NRXN3: variants seen among roughly 807,000 people sequenced by gnomAD.
NRXN3 encodes the protein neurexin 3, also known as neurexin III.
In NRXN3, 32 loss-of-function variants were observed where a neutral mutation model predicts 137.6. The ratio of observed to expected loss-of-function variants is 0.23; its 90% CI spans 0.18 to 0.31. The LOEUF is 0.31. Among genes scored for constraint, NRXN3 ranks in the 10% least tolerant of loss-of-function variants. The probability of loss-of-function intolerance (pLI) is 1.00; values close to 1 mark genes in which losing one functional copy is unlikely to be tolerated. For missense variants in NRXN3, 1,574 were observed against 2,062.5 expected (o/e 0.76, Z 4.59); for synonymous variants, 798 against 784.5 (o/e 1.02, Z -0.29).
At chr14:78,364,117 A>C (rs1423281276) in intron 4 of NRXN3, among the ~76,000 whole-genome samples, 4 of 152,226 alleles carry the variant, frequency 2.6e-5, no homozygotes, top group Non-Finnish European at 5.9e-5. Context: ...ATGTGTATGT[A>C]CTTGAGTGGA....
chr14:78,880,014 C>A lies in NRXN3; in HGVS notation c.2275+69670C>A, dbSNP rs533100203. On this transcript the variant is annotated intron_variant, in intron 10 of 20. Coordinates refer to ENST00000335750, the MANE Select transcript of NRXN3 (RefSeq NM_001330195.2). ...CAGCACTTTGGGAGGCCGAGGCGGG[C>A]GGATCACGAGGTCAGGAGATCGAGA... Among the ~76,000 whole-genome samples, 512 of 141,330 alleles carry A rather than the reference C, an allele frequency of 3.6e-3. 46 individuals carry two copies. Among genetic ancestry groups the A allele is most frequent in the African/African-American group, 0.013 (422 of 31,562 alleles). The allele number at this position is 141,330 out of a possible 152,430, so 92.7% of individuals were successfully genotyped here.
intron 15 of NRXN3, among the ~76,000 whole-genome samples, chr14:79,070,785 A>G (rs764720077): frequency 2.6e-5 from 4 of 152,212 alleles, no homozygotes; most frequent in Non-Finnish European, 5.9e-5. Context: ...ACTACCACAC[A>G]TACATTTATG....
At chr14:78,808,204 G>C (rs1224216724) in intron 9 of NRXN3, among the ~76,000 whole-genome samples, 2 of 152,118 alleles carry the variant, frequency 1.3e-5, no homozygotes, top group Non-Finnish European at 2.9e-5. Flanking sequence ...TAAACAAACT[G>C]TCTGCCATCT....
intron 1 of NRXN3, among the ~76,000 whole-genome samples, chr14:78,215,771 T>TGG (rs111862109): frequency 0.15 from 16,768 of 109,386 alleles, 1,366 homozygotes; most frequent in East Asian, 0.38. Context: ...TGCAGGGGGG[T>TGG]GGGGGGGGCA....
At chr14:79,628,059 T>A (rs2098300921) in intron 16 of NRXN3, among the ~76,000 whole-genome samples, 1 of 152,152 alleles carries the variant, frequency 6.6e-6, no homozygotes, top group African/African-American at 2.4e-5. Flanking sequence ...AATAAAAAGA[T>A]AAGTACTGAG....
chr14:79,511,998 C>T (rs1304644875), intron 16 of NRXN3, among the ~76,000 whole-genome samples: 1 of 152,184 alleles, frequency 6.6e-6, no homozygotes, highest in Non-Finnish European at 1.5e-5. Flanking sequence ...CTCCCGGGTT[C>T]AAGTGATTCT....
intron 6 of NRXN3, among the ~76,000 whole-genome samples, chr14:78,701,279 T>C (rs1294268313): frequency 6.6e-6 from 1 of 152,220 alleles, no homozygotes; most frequent in Non-Finnish European, 1.5e-5. Flanking sequence ...CATAAACCTA[T>C]AGGATCATTT....
intron 5 of NRXN3, among the ~76,000 whole-genome samples, chr14:78,650,463 ATTG>A (rs908887612): frequency 1.3e-5 from 2 of 151,304 alleles, no homozygotes; most frequent in Admixed American, 6.6e-5. Flanking sequence ...CATTCATTTT[ATTG>A]TTGTTCTTAG....
At chr14:78,601,058 T>TGGGTGATCTG (rs1344226800) in intron 4 of NRXN3, among the ~76,000 whole-genome samples, 1 of 152,224 alleles carries the variant, frequency 6.6e-6, no homozygotes, top group African/African-American at 2.4e-5. Context: ...CACCTTGATC[T>TGGGTGATCTG]GGCCTTTGAT....
chr14:79,508,389 G>GTTTTTTTTTTTTTTTTTTTTTTTTTTTTT (rs1567328889), intron 16 of NRXN3, among the ~76,000 whole-genome samples: 1 of 12,550 alleles, frequency 8.0e-5, no homozygotes, highest in African/African-American at 3.3e-4. Context: ...AACAATAACT[G>GTTTTTTTTTTTTTTTTTTTTTTTTTTTTT]ATTTTTTTTT....
intron 19 of NRXN3, among the ~76,000 whole-genome samples, chr14:79,774,667 T>C (rs933500533): frequency 6.6e-6 from 1 of 152,170 alleles, no homozygotes; most frequent in South Asian, 2.1e-4. Context: ...CTTTGCTATC[T>C]GGTAGAAATA....
chr14:78,256,845 C>T (rs2069711879), intron 2 of NRXN3, among the ~76,000 whole-genome samples: 1 of 152,140 alleles, frequency 6.6e-6, no homozygotes. Context: ...GGGTGGGAGG[C>T]CACTGATCAA....
intron 4 of NRXN3, among the ~76,000 whole-genome samples, chr14:78,313,554 C>A (rs974487206): frequency 6.6e-6 from 1 of 152,022 alleles, no homozygotes; most frequent in African/African-American, 2.4e-5. Context: ...GCATTATCCC[C>A]ATTTTCACAG....
intron 4 of NRXN3, among the ~76,000 whole-genome samples, chr14:78,337,321 A>G (rs2081592158): frequency 6.6e-6 from 1 of 152,080 alleles, no homozygotes; most frequent in Non-Finnish European, 1.5e-5. Flanking sequence ...TTTTCACACC[A>G]TCCAAATTCT....
intron 20 of NRXN3, among the ~76,000 whole-genome samples, chr14:79,816,383 T>C (rs2099251416): frequency 6.6e-6 from 1 of 152,188 alleles, no homozygotes; most frequent in Non-Finnish European, 1.5e-5. Flanking sequence ...GCTTTAACTG[T>C]CTTAGATAAA....
intron 15 of NRXN3, among the ~76,000 whole-genome samples, chr14:79,452,258 G>T (rs569702158): frequency 6.6e-6 from 1 of 152,246 alleles, no homozygotes; most frequent in South Asian, 2.1e-4. Flanking sequence ...AATATGGCAG[G>T]TGCTTTCTAA....
chr14:78,924,857 G>A (rs572092096), intron 10 of NRXN3, among the ~76,000 whole-genome samples: 8 of 152,232 alleles, frequency 5.3e-5, no homozygotes, highest in African/African-American at 1.4e-4. Flanking sequence ...CAAATAAATT[G>A]AGTCTCAGAA....
chr14:78,255,356 G>A (rs1340622112), intron 2 of NRXN3, among the ~76,000 whole-genome samples: 5 of 152,316 alleles, frequency 3.3e-5, no homozygotes, highest in African/African-American at 7.2e-5. Context: ...GGAAGTGGGC[G>A]TGACCACCTC....
intron 15 of NRXN3, among the ~76,000 whole-genome samples, chr14:79,413,964 T>C (rs1268733695): frequency 4.0e-5 from 6 of 150,500 alleles, no homozygotes; most frequent in Non-Finnish European, 8.9e-5. Flanking sequence ...AGGCAGTGCA[T>C]GGCCTGCAAA....
Sources: gnomAD v4.1 joint callset for allele counts (sites outside exome capture counted in the v4.1 genomes callset) on GRCh38, gnomAD v4.1.1 for gene constraint, MANE v1.5 for transcripts, NCBI Gene and HGNC (gene_info 2026-07-23, HGNC 2026-07-21) for gene names.